Variants in PRKAR2A observed in about 807,000 individuals in gnomAD.
The protein encoded by PRKAR2A is protein kinase cAMP-dependent type II regulatory subunit alpha.
In PRKAR2A, 29 loss-of-function variants were observed where a neutral mutation model predicts 51.9. The observed-to-expected ratio is 0.56, with a 90% CI of 0.42 to 0.76. The LOEUF is 0.76. PRKAR2A is among the 30% of genes least tolerant of loss of function. PRKAR2A has a pLI of 0.00. For synonymous variants in PRKAR2A, 178 were observed against 186.2 expected (o/e 0.96, Z 0.36); for missense variants, 445 against 512.1 (o/e 0.87, Z 1.26).
At chr3:48,806,383 A>C (rs1474790062) in intron 2 of PRKAR2A, among the ~76,000 whole-genome samples, 1 of 152,184 alleles carries the variant, frequency 6.6e-6, no homozygotes, top group Non-Finnish European at 1.5e-5. Context: ...TAAATTCCAG[A>C]GTTATCAAAA....
chr3:48,829,874 T>A (rs796772864), intron 1 of PRKAR2A, among the ~76,000 whole-genome samples: 17,402 of 84,206 alleles, frequency 0.21, 1,664 homozygotes, highest in East Asian at 0.37. Context: ...TATATATATT[T>A]TTTTTTTTTT....
chr3:48,819,922 C>T (rs1285278229), intron 1 of PRKAR2A, among the ~76,000 whole-genome samples: 1 of 152,190 alleles, frequency 6.6e-6, no homozygotes, highest in African/African-American at 2.4e-5. Context: ...TTAGGAGTGG[C>T]CTCTCACAGA....
rs1297832658 is a variant in PRKAR2A at position 48,829,871 on chromosome 3, A to ATATAT, written c.262+17463_262+17464insATATA. ...TGTATATATATATATATATATATAT[A>ATATAT]TTTTTTTTTTTTTTTTAAGCTTTTT... On this transcript the variant is annotated intron_variant, in intron 1 of 10. Coordinates refer to ENST00000265563, the MANE Select transcript of PRKAR2A (RefSeq NM_004157.4). Among the ~76,000 whole-genome samples, 278 of 87,712 alleles carry ATATAT rather than the reference A, an allele frequency of 3.2e-3. 2 individuals carry two copies. The highest frequency in any genetic ancestry group is 7.7e-3 in the African/African-American group (144 of 18,680). The allele number at this position is 87,712 out of a possible 152,430, so 57.5% of individuals were successfully genotyped here.
At chr3:48,801,384 C>T (rs533396454) in intron 2 of PRKAR2A, among the ~76,000 whole-genome samples, 38 of 152,110 alleles carry the variant, frequency 2.5e-4, no homozygotes, top group African/African-American at 8.9e-4. Context: ...AACTCCTGAC[C>T]TCAGGTGATC....
At chr3:48,773,469 G>A (rs766460172) in intron 5 of PRKAR2A, among the ~76,000 whole-genome samples, 3 of 148,472 alleles carry the variant, frequency 2.0e-5, no homozygotes, top group East Asian at 2.1e-4. Flanking sequence ...TCAGCCTCCC[G>A]AGTAGCTGGG....
intron 1 of PRKAR2A, among the ~76,000 whole-genome samples, chr3:48,810,581 AGCCTG>A (rs1318211482): frequency 6.6e-6 from 1 of 152,134 alleles, no homozygotes; most frequent in African/African-American, 2.4e-5. Context: ...ACTGCACTTC[AGCCTG>A]GGCGACAGAG....
In PRKAR2A at chr3:48,847,834, G is replaced by C. The variant is rs979072265; in HGVS notation, c.-238C>G. 2 of 374,546 alleles carry C rather than the reference G, an allele frequency of 5.3e-6. No individual in the cohort carries two copies. Among genetic ancestry groups the C allele is most frequent in the African/African-American group, 4.2e-5 (2 of 47,456 alleles). The allele number at this position is 374,546 out of a possible 1,614,324, so 23.2% of individuals were successfully genotyped here. A position where few individuals can be genotyped will look rare whatever the true frequency, so the allele number is the denominator to read the frequency against. On this transcript the variant is annotated 5_prime_UTR_variant, in exon 1 of 11. Coordinates refer to ENST00000265563, the MANE Select transcript of PRKAR2A (RefSeq NM_004157.4). This position sits in a 1 kb window ranked among gnomAD's most constrained non-coding sequence, Gnocchi z 4.4. ...AGCCGCCGCCGCCGCGGGGACCGAC[G>C]GGCAGGCGAGCTGGACGGGCGGGGC...
At chr3:48,779,721 A>G (rs1255178606) in intron 5 of PRKAR2A, among the ~76,000 whole-genome samples, 4 of 151,382 alleles carry the variant, frequency 2.6e-5, no homozygotes, top group Middle Eastern at 3.4e-3. Context: ...CGGAGGTTGT[A>G]GTGAGCCAGG....
At chr3:48,752,043 T>G in intron 10 of PRKAR2A, 133 bp downstream of exon 10, 1 of 1,012,156 alleles carries the variant, frequency 9.9e-7, no homozygotes, top group East Asian at 2.6e-5. Flanking sequence ...CATTCATCCA[T>G]CTCTGGTTGG....
chr3:48,834,829 A>G (rs1449759510), intron 1 of PRKAR2A, among the ~76,000 whole-genome samples: 1 of 152,150 alleles, frequency 6.6e-6, no homozygotes, highest in Admixed American at 6.6e-5. Context: ...AAAAGTTTCA[A>G]CAACAAAAAG....
At chr3:48,769,157 C>CATTTTTT (rs1553666422) in intron 6 of PRKAR2A, among the ~76,000 whole-genome samples, 1 of 136,282 alleles carries the variant, frequency 7.3e-6, no homozygotes, top group East Asian at 2.2e-4. Flanking sequence ...AAATATCTTT[C>CATTTTTT]TTTTTTTTTT....
intron 2 of PRKAR2A, among the ~76,000 whole-genome samples, chr3:48,801,970 T>A (rs1220528247): frequency 6.6e-6 from 1 of 152,002 alleles, no homozygotes; most frequent in Non-Finnish European, 1.5e-5. Flanking sequence ...AGTGCAACAG[T>A]ACGATCTCGG....
chr3:48,839,147 G>A (rs925919901), intron 1 of PRKAR2A, among the ~76,000 whole-genome samples: 1 of 152,056 alleles, frequency 6.6e-6, no homozygotes, highest in African/African-American at 2.4e-5. Context: ...CATTAGCCGG[G>A]CGTGGTGACA....
At position 48,792,818 on chromosome 3, in the gene PRKAR2A, T is replaced by C. The variant is rs567942951; in HGVS notation, c.351+1179A>G. Among the ~76,000 whole-genome samples the C allele has an allele frequency of 2.4e-3, 370 of 151,960 alleles. 3 individuals carry two copies. Among genetic ancestry groups the C allele is most frequent in the African/African-American group, 8.4e-3 (349 of 41,492 alleles). On this transcript the variant is annotated intron_variant, in intron 3 of 10. Coordinates refer to ENST00000265563, the MANE Select transcript of PRKAR2A (RefSeq NM_004157.4). The stretch of plus-strand genomic sequence containing the variant: ...TATATGCCCTCATAAAAGTAATTTA[T>C]GTTGGGAGGCTGAGGCAGGAGAATC...
intron 2 of PRKAR2A, among the ~76,000 whole-genome samples, chr3:48,795,581 G>T (rs1410301664): frequency 6.6e-6 from 1 of 152,134 alleles, no homozygotes; most frequent in Non-Finnish European, 1.5e-5. Context: ...CCTTCGCTCA[G>T]GTTGAGGTAC....
intron 1 of PRKAR2A, among the ~76,000 whole-genome samples, chr3:48,825,446 C>T (rs1305696009): frequency 1.3e-5 from 2 of 152,138 alleles, no homozygotes; most frequent in African/African-American, 2.4e-5. Flanking sequence ...TTCCTGCTAC[C>T]TTTTGTTGAG....
At chr3:48,771,196 A>G (rs1381147732) in intron 6 of PRKAR2A, among the ~76,000 whole-genome samples, 1 of 151,656 alleles carries the variant, frequency 6.6e-6, no homozygotes, top group African/African-American at 2.4e-5. Context: ...ATCATCTCAA[A>G]AAAGAAAAAA....
intron 1 of PRKAR2A, among the ~76,000 whole-genome samples, chr3:48,846,432 G>A (rs2083463854): frequency 1.3e-5 from 2 of 151,908 alleles, no homozygotes; most frequent in Admixed American, 6.6e-5. Context: ...GGCCAGGCTG[G>A]TCTCGAACTC....
chr3:48,784,382 G>A (rs553946603), intron 4 of PRKAR2A, among the ~76,000 whole-genome samples: 3 of 152,290 alleles, frequency 2.0e-5, no homozygotes, highest in Non-Finnish European at 2.9e-5. Context: ...TTCCACGTGC[G>A]TTGAATACTG....
Sources: gnomAD v4.1 joint callset for allele counts (sites outside exome capture counted in the v4.1 genomes callset) on GRCh38, gnomAD v4.1.1 for gene constraint, Gnocchi (gnomAD v3.1) non-coding constraint, MANE v1.5 for transcripts, NCBI Gene and HGNC (gene_info 2026-07-23, HGNC 2026-07-21) for gene names.